The following FRMD3 variants were observed in gnomAD, a reference collection of about 807,000 sequenced individuals.
The protein encoded by FRMD3 is FERM domain containing 3, also known as FERM domain-containing protein 3.
In FRMD3, 33 loss-of-function variants were observed where a neutral mutation model predicts 70.2. That is an observed-to-expected ratio of 0.47 (90% confidence interval 0.36 to 0.63). FRMD3 has a LOEUF of 0.63. Ranked by LOEUF, FRMD3 falls within the 20% of genes least tolerant of loss-of-function variation. FRMD3 has a pLI of 0.00. For synonymous variants in FRMD3, 279 were observed against 255.9 expected (o/e 1.09, Z -0.86); for missense variants, 632 against 711.4 (o/e 0.89, Z 1.27).
At chr9:83,556,425 T>C in the FRMD3 span, among the ~76,000 whole-genome samples, 1 of 152,222 alleles carries the variant, frequency 6.6e-6, no homozygotes, top group Admixed American at 6.5e-5. Flanking sequence ...ATTCATCTGA[T>C]GGTTAATTTA....
chr9:83,295,983 A>G (rs1381952262), intron 12 of FRMD3, among the ~76,000 whole-genome samples: 2 of 152,196 alleles, frequency 1.3e-5, no homozygotes, highest in African/African-American at 2.4e-5. Flanking sequence ...AAACACACAC[A>G]CCTCAGCAGA....
intron 1 of FRMD3, among the ~76,000 whole-genome samples, chr9:83,468,084 C>T (rs1828177618): frequency 6.6e-6 from 1 of 151,998 alleles, no homozygotes; most frequent in Non-Finnish European, 1.5e-5. Context: ...AGACAACAGG[C>T]TACAGTGGCA....
the FRMD3 span, among the ~76,000 whole-genome samples, chr9:83,567,395 A>G: frequency 2.0e-5 from 3 of 152,154 alleles, no homozygotes; most frequent in African/African-American, 7.2e-5. Context: ...GTTCTCTGAC[A>G]TGGCCCAAAG....
At chr9:83,371,327 T>C (rs1199348138) in intron 3 of FRMD3, among the ~76,000 whole-genome samples, 1 of 135,554 alleles carries the variant, frequency 7.4e-6, no homozygotes, top group Admixed American at 7.1e-5. Flanking sequence ...ATTACTTTTT[T>C]TTTTTTTTAA....
intron 1 of FRMD3, among the ~76,000 whole-genome samples, chr9:83,446,373 C>T (rs111403860): frequency 6.6e-6 from 1 of 152,134 alleles, no homozygotes; most frequent in Non-Finnish European, 1.5e-5. Context: ...GTTGGCCGGG[C>T]GCGGTGGCTC....
the FRMD3 span, among the ~76,000 whole-genome samples, chr9:83,564,259 T>C: frequency 6.6e-6 from 1 of 152,162 alleles, no homozygotes; most frequent in African/African-American, 2.4e-5. Context: ...TCCCCACTGC[T>C]GTATACACCT....
chr9:83,293,292 A>G lies in FRMD3; in HGVS notation c.1071-2565T>C, dbSNP rs567042731. On this transcript the variant is annotated intron_variant, in intron 12 of 13. Coordinates refer to ENST00000304195, the MANE Select transcript of FRMD3 (RefSeq NM_174938.6). Reference sequence around the variant, plus strand: ...GGATTTCTTCTGGTCATGGCCACTCATGACTATGATTCTAACTCTGCAAGG... The same window carrying G: ...GGATTTCTTCTGGTCATGGCCACTCGTGACTATGATTCTAACTCTGCAAGG... Among the ~76,000 whole-genome samples the G allele has an allele frequency of 3.3e-5, 5 of 152,268 alleles. No individual in the cohort carries two copies. The South Asian group carries it at 1.0e-3, about 32-fold the overall frequency.
chr9:83,515,921 A>T (rs1829444357), intron 1 of FRMD3, among the ~76,000 whole-genome samples: 1 of 152,226 alleles, frequency 6.6e-6, no homozygotes, highest in Non-Finnish European at 1.5e-5. Context: ...GCAAATGCTG[A>T]AGGATTTTGT....
chr9:83,557,337 T>C, the FRMD3 span, among the ~76,000 whole-genome samples: 1 of 152,180 alleles, frequency 6.6e-6, no homozygotes, highest in African/African-American at 2.4e-5. Flanking sequence ...AGAAGTAAAC[T>C]TCTTTTATGA....
intron 1 of FRMD3, among the ~76,000 whole-genome samples, chr9:83,493,257 C>T (rs1435468952): frequency 6.6e-6 from 1 of 152,178 alleles, no homozygotes; most frequent in Non-Finnish European, 1.5e-5. Context: ...GTAAGACCTG[C>T]AGGGAGGTGG....
At chr9:83,402,797 G>A (rs761462856) in intron 1 of FRMD3, among the ~76,000 whole-genome samples, 4 of 151,518 alleles carry the variant, frequency 2.6e-5, no homozygotes, top group Non-Finnish European at 4.4e-5. Context: ...GAGAGCCTAC[G>A]GTCTAAACCA....
chr9:83,507,421 A>C (rs1214197685), intron 1 of FRMD3, among the ~76,000 whole-genome samples: 6 of 146,978 alleles, frequency 4.1e-5, no homozygotes, highest in African/African-American at 1.5e-4. Flanking sequence ...TAATCCCAGC[A>C]CTTTGGGAGG....
At chr9:83,559,682 C>A in the FRMD3 span, among the ~76,000 whole-genome samples, 1 of 152,102 alleles carries the variant, frequency 6.6e-6, no homozygotes, top group Non-Finnish European at 1.5e-5. Context: ...TTCCGCAGGA[C>A]TTGAAAGTAG....
rs369449842 is a variant in FRMD3, at chr9:83,311,807, C to T, written c.773+80G>A. The T allele has an allele frequency of 3.1e-5, 30 of 977,850 alleles. No homozygotes were observed. The African/African-American group carries it at 4.9e-4, about 16-fold the overall frequency. 60.6% of individuals were successfully genotyped at this position (977,850 alleles called of 1,614,324 possible). On this transcript the variant is annotated intron_variant, in intron 8 of 13. Transcript: ENST00000304195. ...TGGATACCAGGCATTCTACCTGACA[C>T]TTGCCCGAGAAGCCAAGGAGGGGAC...
chr9:83,538,246 G>C lies in FRMD3; in HGVS notation c.-15C>G, dbSNP rs372222918. The C allele has an allele frequency of 1.3e-4, 198 of 1,547,896 alleles. No homozygotes were observed. Among genetic ancestry groups the C allele is most frequent in the Non-Finnish European group, 1.6e-4 (179 of 1,145,908 alleles). On this transcript the variant is annotated 5_prime_UTR_variant, in exon 1 of 14. Coordinates refer to ENST00000304195, the MANE Select transcript of FRMD3 (RefSeq NM_174938.6). This position sits in a 1 kb window ranked among gnomAD's most constrained non-coding sequence, Gnocchi z 4.7. ...GAGGCGAACATGCACCGCGGCCGTG[G>C]GGAGCGAGCGGGAGGCTCAGGGCCG...
chr9:83,450,609 T>C (rs1827626115), intron 1 of FRMD3, among the ~76,000 whole-genome samples: 1 of 151,484 alleles, frequency 6.6e-6, no homozygotes, highest in East Asian at 1.9e-4. Flanking sequence ...AATAGCAGAG[T>C]CCCCACGTGG....
intron 1 of FRMD3, among the ~76,000 whole-genome samples, chr9:83,450,394 C>G (rs1053177008): frequency 1.2e-4 from 16 of 133,594 alleles, no homozygotes; most frequent in Middle Eastern, 4.2e-3. Flanking sequence ...TTTTAGGGTA[C>G]ATGTGCACAT....
intron 13 of FRMD3, among the ~76,000 whole-genome samples, chr9:83,265,817 C>G (rs1833230366): frequency 6.6e-6 from 1 of 152,078 alleles, no homozygotes; most frequent in African/African-American, 2.4e-5. Context: ...GATAATTTGC[C>G]CATTTCCATT....
chr9:83,445,329 A>G (rs1461312943), intron 1 of FRMD3, among the ~76,000 whole-genome samples: 4 of 148,466 alleles, frequency 2.7e-5, no homozygotes, highest in Non-Finnish European at 5.9e-5. Flanking sequence ...GCTAGACCCT[A>G]TCTCAAAAAT....
Sources: gnomAD v4.1 joint callset for allele counts (sites outside exome capture counted in the v4.1 genomes callset) on GRCh38, gnomAD v4.1.1 for gene constraint, Gnocchi (gnomAD v3.1) non-coding constraint, MANE v1.5 for transcripts, NCBI Gene and HGNC (gene_info 2026-07-23, HGNC 2026-07-21) for gene names.